CFAP54: variants seen among roughly 807,000 people sequenced by gnomAD.
CFAP54 encodes cilia and flagella associated protein 54.
CFAP54 carries 290 observed loss-of-function variants against 370.4 expected under a neutral mutation model. That is an observed-to-expected ratio of 0.78 (90% CI 0.71 to 0.86). CFAP54 has a LOEUF of 0.86. CFAP54 is among the 40% of genes least tolerant of loss of function. The pLI, the probability that CFAP54 is intolerant of heterozygous loss-of-function variation, is 0.00. For missense variants in CFAP54, 3,399 were observed against 3,528.7 expected, an observed-to-expected ratio of 0.96 and a Z score of 0.93; for synonymous variants, 1,206 against 1,236.5, an observed-to-expected ratio of 0.98 and a Z score of 0.52.
chr12:96,645,222 A>T, intron 33 of CFAP54: 1 of 455,644 alleles, frequency 2.2e-6, no homozygotes, highest in Non-Finnish European at 4.4e-6. Flanking sequence ...TAGAAGATAC[A>T]TACATAATAT....
At chr12:96,847,382 C>CA (rs1014350458) in intron 66 of CFAP54, among the ~76,000 whole-genome samples, 1 of 152,086 alleles carries the variant, frequency 6.6e-6, no homozygotes, top group African/African-American at 2.4e-5. Context: ...GGAAGCTCCC[C>CA]AGAACCCATC....
chr12:96,601,393 T>A (rs1956240436), intron 26 of CFAP54, among the ~76,000 whole-genome samples: 1 of 152,244 alleles, frequency 6.6e-6, no homozygotes, highest in Admixed American at 6.5e-5. Context: ...TCGATGTTCA[T>A]CAGGGATAAT....
At chr12:96,642,402 A>G (rs1448689636) in intron 32 of CFAP54, among the ~76,000 whole-genome samples, 5 of 152,206 alleles carry the variant, frequency 3.3e-5, no homozygotes, top group Admixed American at 6.5e-5. Flanking sequence ...GAGCTGGGAA[A>G]TGTATTTGTT....
rs532922300 is a variant in CFAP54 at position 96,581,088 on chromosome 12, C to A, written c.3058C>A (p.Arg1020=). The change falls in exon 22 of 68, where the codon CGG becomes AGG. Residue 1020 remains arginine (R), a synonymous_variant. Coordinates refer to ENST00000524981, the MANE Select transcript of CFAP54 (RefSeq NM_001306084.2). ...TCCCCCTCTTTCTACTATTACTGCT[C>A]GGATGTTCCTGACACAGGTAGAAAA... ...VYPPLSTITA[R]MFLTQVAYQV... The A allele has an allele frequency of 4.7e-6, 7 of 1,500,106 alleles. No individual in the cohort carries two copies. In the South Asian group the frequency reaches 8.9e-5, roughly 19 times the overall value. The allele number at this position is 1,500,106 out of a possible 1,614,324, so 92.9% of individuals were successfully genotyped here.
intron 17 of CFAP54, 47 bp from the exon 18 acceptor site, chr12:96,564,421 C>T: frequency 1.5e-6 from 1 of 660,074 alleles, no homozygotes; most frequent in Non-Finnish European, 2.7e-6. Flanking sequence ...AATATTTCCT[C>T]TCTTGGATAC....
chr12:96,737,387 A>G (rs1957991218), intron 50 of CFAP54, among the ~76,000 whole-genome samples: 1 of 151,828 alleles, frequency 6.6e-6, no homozygotes, highest in African/African-American at 2.4e-5. Flanking sequence ...TTTTTTTAAA[A>G]AAGATTGTGG....
At chr12:96,779,192 G>T (rs551798322) in intron 60 of CFAP54, among the ~76,000 whole-genome samples, 1 of 151,576 alleles carries the variant, frequency 6.6e-6, no homozygotes, top group South Asian at 2.1e-4. Context: ...ACCACCACTA[G>T]GTCAAGAAAT....
At chr12:96,503,422 TC>T (rs1955054871) in intron 2 of CFAP54, among the ~76,000 whole-genome samples, 1 of 77,882 alleles carries the variant, frequency 1.3e-5, no homozygotes, top group African/African-American at 5.1e-5. Context: ...CCTCCCTCCC[TC>T]CCTCCCTTCC....
Position 96,651,795 on chromosome 12 carries a change from C to A in CFAP54, c.5080C>A (p.Gln1694Lys), listed in dbSNP as rs1224361405. ...ACTTATTGACATGTTAATACAACTA[C>A]AAAATACCAGTTCTATTAAGGTAAA... Reference protein sequence around the residue: ...ELLIDMLIQLQNTSSIKPIED... With the variant: ...ELLIDMLIQLKNTSSIKPIED... The change falls in exon 36 of 68, where the codon CAA becomes AAA. Residue 1694 changes from glutamine (Q) to lysine (K), a missense_variant. Gln to Lys is a moderately conservative substitution (Grantham distance 53). This residue lies in a region of CFAP54 where 2,796 missense variants were observed against 2,869.7 expected (regional missense o/e 0.97). Coordinates refer to ENST00000524981, the MANE Select transcript of CFAP54 (RefSeq NM_001306084.2). 1 of 1,594,012 alleles carries A rather than the reference C, an allele frequency of 6.3e-7. No homozygotes were observed. Among genetic ancestry groups the A allele is most frequent in the Non-Finnish European group, 8.6e-7 (1 of 1,162,122 alleles).
chr12:96,697,958 G>A (rs533706247), intron 45 of CFAP54, among the ~76,000 whole-genome samples: 136 of 152,216 alleles, frequency 8.9e-4, no homozygotes, highest in Admixed American at 2.0e-3. Context: ...CTGCCGTATG[G>A]CCTCTACACT....
chr12:96,754,238 G>A (rs1250595432), intron 56 of CFAP54, among the ~76,000 whole-genome samples: 2 of 152,000 alleles, frequency 1.3e-5, no homozygotes, highest in Admixed American at 1.3e-4. Flanking sequence ...CATTTTTTCT[G>A]CATCATTTCA....
At chr12:96,524,784 A>C (rs1955358560) in intron 8 of CFAP54, among the ~76,000 whole-genome samples, 1 of 152,196 alleles carries the variant, frequency 6.6e-6, no homozygotes. Context: ...ATGGAACCAG[A>C]CTGTACAGTT....
In CFAP54 at chr12:96,743,889, T is replaced by C. The variant is rs749872307; in HGVS notation, c.7536T>C (p.Ala2512=). The change falls in exon 54 of 68, where the codon GCT becomes GCC. Residue 2512 remains alanine (A), a synonymous_variant. Coordinates refer to ENST00000524981, the MANE Select transcript of CFAP54 (RefSeq NM_001306084.2). ...GAAAATTAAATTTGTTAACTCGGGCTCATAGCATTCTAACTGAACAGGTGA... is the reference window on the plus strand; with the variant it reads ...GAAAATTAAATTTGTTAACTCGGGCCCATAGCATTCTAACTGAACAGGTGA... The part of the protein sequence containing the change: ...KTGKLNLLTR[A]HSILTEQMLA... The C allele has an allele frequency of 1.7e-5, 27 of 1,613,106 alleles. No homozygotes were observed. The highest frequency in any genetic ancestry group is 2.3e-5 in the Non-Finnish European group (27 of 1,179,676).
intron 20 of CFAP54, among the ~76,000 whole-genome samples, chr12:96,577,769 A>G (rs1955993649): frequency 6.6e-6 from 1 of 152,132 alleles, no homozygotes; most frequent in Non-Finnish European, 1.5e-5. Context: ...CTTACTCAAA[A>G]CAAGTAATGG....
intron 19 of CFAP54, among the ~76,000 whole-genome samples, chr12:96,566,916 C>T (rs1271644460): frequency 2.0e-5 from 3 of 151,976 alleles, no homozygotes; most frequent in African/African-American, 4.8e-5. Flanking sequence ...CCTTTGTGGT[C>T]CCTGGATTTA....
intron 12 of CFAP54, among the ~76,000 whole-genome samples, chr12:96,538,112 A>G (rs755131608): frequency 2.0e-5 from 3 of 150,712 alleles, no homozygotes; most frequent in African/African-American, 7.3e-5. Flanking sequence ...AGGAGTGAGG[A>G]CTCTGGAGCT....
At chr12:96,826,038 A>G (rs965856692) in intron 65 of CFAP54, among the ~76,000 whole-genome samples, 2 of 144,826 alleles carry the variant, frequency 1.4e-5, no homozygotes, top group African/African-American at 2.5e-5. Context: ...ATATTAATAT[A>G]TTATATATAT....
chr12:96,680,111 T>C (rs1461318156), intron 40 of CFAP54, among the ~76,000 whole-genome samples: 2 of 152,246 alleles, frequency 1.3e-5, no homozygotes, highest in African/African-American at 4.8e-5. Context: ...CACACTGAGT[T>C]AACTAGAACC....
chr12:96,745,934 C>T (rs1958109734), intron 55 of CFAP54, among the ~76,000 whole-genome samples: 1 of 152,070 alleles, frequency 6.6e-6, no homozygotes, highest in Non-Finnish European at 1.5e-5. Flanking sequence ...ATTTTCAATC[C>T]CAGGTGGATG....
Sources: allele counts gnomAD v4.1 joint callset (sites outside exome capture counted in the v4.1 genomes callset), GRCh38; gene constraint gnomAD v4.1.1; regional missense constraint gnomAD v4.1.1; transcripts MANE v1.5; gene names NCBI Gene and HGNC (gene_info 2026-07-23, HGNC 2026-07-21).